Variants in RARB observed in about 807,000 individuals in gnomAD.
RARB encodes retinoic acid receptor beta, also known as HBV-activated protein.
A neutral mutation model predicts 51.9 loss-of-function variants in RARB; 17 were observed. The ratio of observed to expected loss-of-function variants is 0.33; its 90% CI spans 0.22 to 0.49. RARB has a LOEUF of 0.49. Among genes scored for constraint, RARB ranks in the 20% least tolerant of loss-of-function variants. The pLI is 0.99. For missense variants in RARB, 369 were observed against 550.8 expected (o/e 0.67, Z 3.30); for synonymous variants, 215 against 195.4 (o/e 1.10, Z -0.84).
Position 25,581,373 on chromosome 3 carries a change from G to T in RARB, c.786+651G>T, listed in dbSNP as rs540657119. On this transcript the variant is annotated intron_variant, in intron 5 of 7. Transcript: ENST00000330688. ...CCACTTTCTCCATGGGCCTCCCTGC[G>T]TACATACGTCTAATGGGAGCTGCTC... 2.6e-5 allele frequency among the ~76,000 whole-genome samples: 4 copies of T among 152,222 alleles called. No homozygotes were observed. The South Asian group carries it at 8.3e-4, about 32-fold the overall frequency.
At position 25,593,503 on chromosome 3, in the gene RARB, A is replaced by T; in HGVS notation, c.787A>T (p.Ile263Phe). 6.2e-7 allele frequency: 1 copy of T among 1,611,014 alleles called. No homozygotes were observed. The highest frequency in any genetic ancestry group is 8.5e-7 in the Non-Finnish European group (1 of 1,178,732). Reference sequence around the variant, plus strand: ...TCCATCAATTTTTTTTTCCTTCCAGATTCTTAGAATTTGCACCAGGTATAC... The same window carrying T: ...TCCATCAATTTTTTTTTCCTTCCAGTTTCTTAGAATTTGCACCAGGTATAC... Reference protein sequence around the residue: ...LLKAACLDILILRICTRYTPE... With the variant: ...LLKAACLDILFLRICTRYTPE... Residue 263 changes from isoleucine to phenylalanine, a missense_variant and splice_region_variant, in exon 6 of 8, where the codon ATT (isoleucine) becomes TTT (phenylalanine). Around this residue, in one of 9 missense-constraint regions of RARB, gnomAD observed 49 missense variants for 103.4 expected, o/e 0.47. Coordinates refer to ENST00000330688, the MANE Select transcript of RARB (RefSeq NM_000965.5).
intron 3 of RARB, among the ~76,000 whole-genome samples, chr3:25,079,159 T>G (rs1298503973): frequency 1.3e-5 from 2 of 152,174 alleles, no homozygotes; most frequent in East Asian, 3.9e-4. Context: ...GTCAACAGTA[T>G]TGTATTTTAT....
chr3:25,117,188 G>C (rs1034452439), intron 3 of RARB, among the ~76,000 whole-genome samples: 2 of 152,140 alleles, frequency 1.3e-5, no homozygotes, highest in Non-Finnish European at 2.9e-5. Flanking sequence ...GCATGGCAGA[G>C]AACAAACTGT....
intron 2 of RARB, among the ~76,000 whole-genome samples, chr3:24,921,250 C>T (rs879351507): frequency 6.6e-6 from 1 of 151,986 alleles, no homozygotes; most frequent in Admixed American, 6.6e-5. Context: ...GAGATCCTAC[C>T]GTGTGTTCAG....
chr3:25,209,919 G>T (rs753714200), intron 5 of RARB, among the ~76,000 whole-genome samples: 1 of 151,950 alleles, frequency 6.6e-6, no homozygotes, highest in Non-Finnish European at 1.5e-5. Flanking sequence ...CATTTAACTT[G>T]GATTTCAAAG....
At chr3:25,172,546 T>C (rs919452347) in intron 4 of RARB, among the ~76,000 whole-genome samples, 2 of 152,222 alleles carry the variant, frequency 1.3e-5, no homozygotes, top group African/African-American at 2.4e-5. Context: ...CTTCAAAAAC[T>C]GAAGTCAAGA....
At chr3:25,022,936 A>G (rs2125285783) in intron 2 of RARB, among the ~76,000 whole-genome samples, 1 of 152,294 alleles carries the variant, frequency 6.6e-6, no homozygotes, top group Non-Finnish European at 1.5e-5. Context: ...CTTTATATTC[A>G]TACTCGGAGC....
intron 5 of RARB, among the ~76,000 whole-genome samples, chr3:25,374,426 C>T (rs74365631): frequency 0.019 from 2,966 of 152,114 alleles, 87 homozygotes; most frequent in African/African-American, 0.064. Context: ...TGATGAACTG[C>T]CCTGATACCA....
chr3:25,563,075 C>T (rs561359205), intron 3 of RARB, among the ~76,000 whole-genome samples: 1 of 152,198 alleles, frequency 6.6e-6, no homozygotes, highest in Non-Finnish European at 1.5e-5. Flanking sequence ...TCCCCCAAGA[C>T]TTCAATATTC....
chr3:25,232,091 A>AT (rs2125390772), intron 5 of RARB, among the ~76,000 whole-genome samples: 1 of 152,220 alleles, frequency 6.6e-6, no homozygotes, highest in Non-Finnish European at 1.5e-5. Flanking sequence ...TCTGAGGGGT[A>AT]TTTGTTGAAA....
intron 1 of RARB, among the ~76,000 whole-genome samples, chr3:24,850,570 T>C (rs920315933): frequency 2.0e-5 from 3 of 152,122 alleles, no homozygotes; most frequent in African/African-American, 4.8e-5. Flanking sequence ...CTTTAGCATG[T>C]TTGGGGGCAG....
intron 2 of RARB, among the ~76,000 whole-genome samples, chr3:25,010,029 T>C (rs1468193078): frequency 6.6e-6 from 1 of 152,162 alleles, no homozygotes; most frequent in Admixed American, 6.6e-5. Flanking sequence ...TGCTGGGTCA[T>C]GACCCTTTGA....
intron 5 of RARB, among the ~76,000 whole-genome samples, chr3:25,183,872 T>C (rs1251486086): frequency 2.0e-5 from 3 of 152,144 alleles, no homozygotes; most frequent in Non-Finnish European, 2.9e-5. Context: ...GTTATGTAAT[T>C]AGTTGTACAC....
chr3:25,266,316 T>A (rs532024482), intron 5 of RARB, among the ~76,000 whole-genome samples: 1 of 152,298 alleles, frequency 6.6e-6, no homozygotes, highest in Admixed American at 6.5e-5. Flanking sequence ...ATCACTTAAA[T>A]TTAAAATTAT....
At chr3:24,863,652 C>G (rs1379601418) in intron 2 of RARB, among the ~76,000 whole-genome samples, 1 of 151,340 alleles carries the variant, frequency 6.6e-6, no homozygotes, top group Non-Finnish European at 1.5e-5. Flanking sequence ...TAGAGAACAC[C>G]ACTAATTTTC....
intron 4 of RARB, among the ~76,000 whole-genome samples, chr3:25,156,516 C>CAAAAAAAAAA (rs35710364): frequency 5.3e-5 from 3 of 56,834 alleles, no homozygotes; most frequent in African/African-American, 1.5e-4. Flanking sequence ...GCCCCAACTG[C>CAAAAAAAAAA]AAAAAAAAAA....
intron 2 of RARB, among the ~76,000 whole-genome samples, chr3:25,496,539 T>G (rs1697043976): frequency 6.6e-6 from 1 of 152,206 alleles, no homozygotes; most frequent in Admixed American, 6.5e-5. Context: ...AATGGATAAA[T>G]GCACAGTGCC....
chr3:25,491,995 G>A (rs1052618756), intron 2 of RARB, among the ~76,000 whole-genome samples: 5 of 152,166 alleles, frequency 3.3e-5, no homozygotes, highest in Non-Finnish European at 5.9e-5. Flanking sequence ...TGACAGCAGA[G>A]CAGTAAACTA....
intron 5 of RARB, among the ~76,000 whole-genome samples, chr3:25,386,542 C>T (rs926068787): frequency 5.9e-5 from 9 of 152,192 alleles, no homozygotes; most frequent in African/African-American, 2.2e-4. Flanking sequence ...TTGTTAAAAG[C>T]ATTCAGGCAT....
Sources: allele counts gnomAD v4.1 joint callset (sites outside exome capture counted in the v4.1 genomes callset), GRCh38; gene constraint gnomAD v4.1.1; regional missense constraint gnomAD v4.1.1; transcripts MANE v1.5; gene names NCBI Gene and HGNC (gene_info 2026-07-23, HGNC 2026-07-21).